The following PCDH11X variants were observed in gnomAD, a reference collection of about 807,000 sequenced individuals.
PCDH11X encodes the protein protocadherin-11 X-linked.
PCDH11X carries 18 observed loss-of-function variants against 53.3 expected under a neutral mutation model. That is an observed-to-expected ratio of 0.34 (90% CI 0.23 to 0.50). The LOEUF is 0.50. Ranked by LOEUF, PCDH11X falls within the 20% of genes least tolerant of loss-of-function variation. The probability of loss-of-function intolerance (pLI) is 0.98; values close to 1 mark genes in which losing one functional copy is unlikely to be tolerated. For synonymous variants in PCDH11X, 279 were observed against 393.3 expected (o/e 0.71, Z 3.44); for missense variants, 570 against 1,032.4 (o/e 0.55, Z 6.14).
intron 10 of PCDH11X, among the ~76,000 whole-genome samples, chrX:92,498,781 C>A (rs1483665867): frequency 1.9e-5 from 2 of 107,727 alleles, no homozygotes; most frequent in Non-Finnish European, 3.8e-5. Context: ...ACATAAAATA[C>A]AACTCCACAA....
intron 8 of PCDH11X, among the ~76,000 whole-genome samples, chrX:92,381,320 G>A (rs1294498839): frequency 9.0e-6 from 1 of 110,944 alleles, no homozygotes. Context: ...TTACAAAGCA[G>A]CAATTGTTTT....
intron 7 of PCDH11X, among the ~76,000 whole-genome samples, chrX:92,225,699 A>G (rs2066957378): frequency 2.7e-5 from 3 of 111,435 alleles, no homozygotes; most frequent in Non-Finnish European, 5.7e-5. Context: ...TTAAGAAAAT[A>G]AATAAAGCAC....
chrX:92,022,450 T>A (rs929932477), intron 6 of PCDH11X, among the ~76,000 whole-genome samples: 5 of 108,846 alleles, frequency 4.6e-5, no homozygotes, highest in African/African-American at 1.7e-4. Context: ...TACATAATAG[T>A]AAAGGATGCA....
chrX:92,272,810 A>G (rs1426980871), intron 8 of PCDH11X, among the ~76,000 whole-genome samples: 1 of 112,382 alleles, frequency 8.9e-6, no homozygotes, highest in Non-Finnish European at 1.9e-5. Flanking sequence ...TAGCACTTTG[A>G]CATTCAAGGA....
intron 8 of PCDH11X, among the ~76,000 whole-genome samples, chrX:92,345,826 T>C (rs1396690209): frequency 9.1e-6 from 1 of 109,534 alleles, no homozygotes; most frequent in Non-Finnish European, 1.9e-5. Context: ...ACAGGAGACA[T>C]GGTATTGAAA....
At chrX:91,952,485 A>C (rs1367521024) in intron 6 of PCDH11X, among the ~76,000 whole-genome samples, 1 of 111,724 alleles carries the variant, frequency 9.0e-6, no homozygotes, top group Non-Finnish European at 1.9e-5. Context: ...AAACTGCCAA[A>C]GAATGAATAA....
At chrX:92,200,957 G>T (rs1473025581) in intron 6 of PCDH11X, among the ~76,000 whole-genome samples, 2 of 107,799 alleles carry the variant, frequency 1.9e-5, no homozygotes, top group Admixed American at 2.0e-4. Flanking sequence ...TGCTGCCCAG[G>T]TTAAAGTGCA....
intron 6 of PCDH11X, among the ~76,000 whole-genome samples, chrX:92,136,676 C>A (rs2065088342): frequency 9.5e-6 from 1 of 105,478 alleles, no homozygotes; most frequent in Non-Finnish European, 1.9e-5. Flanking sequence ...TATTTGCTAT[C>A]TGTTCAATTA....
At chrX:92,538,130 CTCT>C (rs1196071608) in intron 10 of PCDH11X, among the ~76,000 whole-genome samples, 1 of 107,808 alleles carries the variant, frequency 9.3e-6, no homozygotes, top group Non-Finnish European at 1.9e-5. Context: ...CCTTCTTTGT[CTCT>C]TCTTATAGTG....
chrX:92,350,706 A>T (rs2070024606), intron 8 of PCDH11X, among the ~76,000 whole-genome samples: 1 of 111,496 alleles, frequency 9.0e-6, no homozygotes, highest in South Asian at 3.8e-4. Context: ...GCAAAAGTCC[A>T]TGATTCAAGT....
At chrX:92,038,420 C>T (rs2063161150) in intron 6 of PCDH11X, among the ~76,000 whole-genome samples, 1 of 110,453 alleles carries the variant, frequency 9.1e-6, no homozygotes, top group Non-Finnish European at 1.9e-5. Flanking sequence ...GCCATGGCTT[C>T]AGAGGGCGCA....
intron 10 of PCDH11X, among the ~76,000 whole-genome samples, chrX:92,495,726 TG>T (rs2073849479): frequency 9.3e-6 from 1 of 107,297 alleles, no homozygotes; most frequent in East Asian, 2.9e-4. Flanking sequence ...CTCAGAATCA[TG>T]GTGGAAGGCA....
intron 8 of PCDH11X, among the ~76,000 whole-genome samples, chrX:92,346,419 C>T (rs1000198272): frequency 1.8e-5 from 2 of 110,968 alleles, no homozygotes; most frequent in Non-Finnish European, 3.8e-5. Flanking sequence ...CTATAACTTA[C>T]TAGATGGATC....
At chrX:92,604,893 A>G (rs1371911326) in intron 10 of PCDH11X, among the ~76,000 whole-genome samples, 1 of 107,624 alleles carries the variant, frequency 9.3e-6, no homozygotes, top group Admixed American at 1.0e-4. Flanking sequence ...CATAATAACT[A>G]CAAACATACA....
intron 6 of PCDH11X, among the ~76,000 whole-genome samples, chrX:92,120,720 T>G (rs1045028936): frequency 8.9e-6 from 1 of 111,760 alleles, no homozygotes; most frequent in African/African-American, 3.3e-5. Context: ...CAACATGTCT[T>G]TCACAAAGCG....
chrX:92,231,661 T>G (rs2148370827), intron 7 of PCDH11X, among the ~76,000 whole-genome samples: 1 of 111,958 alleles, frequency 8.9e-6, no homozygotes, highest in Admixed American at 9.5e-5. Context: ...CGGGAACAGT[T>G]AAGTATGTGG....
At position 91,906,500 on chromosome X, in the gene PCDH11X, TC is replaced by T. The variant is rs762648043; in HGVS notation, c.3033+27228del. ...TTAAAATTGCATTTGGAGGTCAGAA[TC>T]TATCCTAAGAAATTATAATAGAGGT... is the stretch of plus-strand genomic sequence containing the variant. On this transcript the variant is annotated intron_variant, in intron 6 of 10. Transcript: ENST00000682573. 6.3e-3 allele frequency among the ~76,000 whole-genome samples: 696 copies of T among 110,282 alleles called. 5 individuals are homozygous for T. Among genetic ancestry groups the T allele is most frequent in the African/African-American group, 0.022 (675 of 30,344 alleles).
intron 6 of PCDH11X, among the ~76,000 whole-genome samples, chrX:92,108,906 C>T (rs1247933715): frequency 9.0e-6 from 1 of 111,584 alleles, no homozygotes; most frequent in African/African-American, 3.3e-5. Flanking sequence ...TTTTGTAATA[C>T]TGTAACCGCC....
intron 6 of PCDH11X, among the ~76,000 whole-genome samples, chrX:91,994,982 G>A (rs1218484181): frequency 9.0e-6 from 1 of 110,876 alleles, no homozygotes; most frequent in East Asian, 2.8e-4. Context: ...TTTGCATATT[G>A]TTCATTGGAT....
Sources: allele counts gnomAD v4.1 joint callset (sites outside exome capture counted in the v4.1 genomes callset), GRCh38; gene constraint gnomAD v4.1.1; transcripts MANE v1.5; gene names NCBI Gene and HGNC (gene_info 2026-07-23, HGNC 2026-07-21).